The following RAF1 variants were observed in gnomAD, a reference collection of about 807,000 sequenced individuals.
The protein encoded by RAF1 is RAF proto-oncogene serine/threonine-protein kinase.
Under a neutral mutation model 81.1 loss-of-function variants are expected in RAF1, and 27 were observed. That is an observed-to-expected ratio of 0.33 (90% CI 0.25 to 0.46). The LOEUF (loss-of-function observed/expected upper bound fraction) is 0.46, where lower values mean the gene tolerates loss of function less well. Among genes scored for constraint, RAF1 ranks in the 20% least tolerant of loss-of-function variants. RAF1 has a pLI of 1.00. For synonymous variants in RAF1, 298 were observed against 294.0 expected, an observed-to-expected ratio of 1.01 and a Z score of -0.14; for missense variants, 598 against 826.0, an observed-to-expected ratio of 0.72 and a Z score of 3.38.
Position 12,655,005 on chromosome 3 carries a change from C to CCA in RAF1, c.-27+8807_-27+8808insTG, listed in dbSNP as rs148831868. On this transcript the variant is annotated intron_variant, in intron 1 of 17. Coordinates refer to ENST00000442415, the MANE Select transcript of RAF1 (RefSeq NM_001354689.3). ...AACCTGGTAAACATAGTGAGACCCC[C>CCA]CCCCCGCCATCTCTAAAATAGTAAA... is the stretch of plus-strand genomic sequence containing the variant. Among the ~76,000 whole-genome samples the CCA allele has an allele frequency of 2.9e-4, 43 of 147,666 alleles. 1 individual carries two copies. Among genetic ancestry groups the CCA allele is most frequent in the Non-Finnish European group, 9.0e-5 (6 of 66,842 alleles).
intron 1 of RAF1, among the ~76,000 whole-genome samples, chr3:12,645,623 T>C (rs887530762): frequency 1.3e-5 from 2 of 152,226 alleles, no homozygotes; most frequent in Non-Finnish European, 2.9e-5. Flanking sequence ...AATACAGTAA[T>C]GTAGTGGTTA....
chr3:12,594,907 AT>A (rs773209392), intron 11 of RAF1, among the ~76,000 whole-genome samples: 22 of 152,250 alleles, frequency 1.4e-4, no homozygotes, highest in Non-Finnish European at 2.4e-4. Flanking sequence ...ATTATTTGCA[AT>A]TTCTTATGAA....
At chr3:12,592,032 C>T (rs1362666231) in intron 11 of RAF1, 3 of 552,630 alleles carry the variant, frequency 5.4e-6, no homozygotes, top group East Asian at 6.4e-5. Flanking sequence ...CCCACCTTGG[C>T]CTCCCAAAGT....
chr3:12,652,747 A>G (rs943659152), intron 1 of RAF1, among the ~76,000 whole-genome samples: 15 of 152,080 alleles, frequency 9.9e-5, no homozygotes, highest in African/African-American at 3.4e-4. Flanking sequence ...CAGGAGGTTG[A>G]GACCAGCCTG....
chr3:12,618,021 C>T (rs564265338), intron 2 of RAF1, among the ~76,000 whole-genome samples: 1 of 152,182 alleles, frequency 6.6e-6, no homozygotes, highest in East Asian at 1.9e-4. Context: ...GGTGTCAGTG[C>T]CCTGAAAAAG....
At chr3:12,662,516 T>C (rs1434544595) in intron 1 of RAF1, among the ~76,000 whole-genome samples, 2 of 151,874 alleles carry the variant, frequency 1.3e-5, no homozygotes, top group Non-Finnish European at 2.9e-5. Flanking sequence ...CCATGTACAA[T>C]AATCCAAATT....
At chr3:12,600,719 G>A (rs931535128) in intron 8 of RAF1, among the ~76,000 whole-genome samples, 3 of 152,142 alleles carry the variant, frequency 2.0e-5, no homozygotes, top group East Asian at 1.9e-4. Flanking sequence ...GCACCAGCAC[G>A]CCCGGCTAAT....
At chr3:12,641,871 T>C (rs1357912865) in intron 1 of RAF1, among the ~76,000 whole-genome samples, 1 of 152,004 alleles carries the variant, frequency 6.6e-6, no homozygotes, top group Non-Finnish European at 1.5e-5. Flanking sequence ...AATAGTCCCA[T>C]AGGAACCCAG....
At chr3:12,590,323 T>C in intron 13 of RAF1, 2 of 28,506 alleles carry the variant, frequency 7.0e-5, no homozygotes, top group Non-Finnish European at 1.3e-4. Flanking sequence ...GAACCTGAAC[T>C]TCTCTTTTTT....
rs1413641688 is a variant in RAF1 at position 12,628,750 on chromosome 3, T to TG, written c.-26-10004_-26-10003insC. On this transcript the variant is annotated intron_variant, in intron 1 of 17. Coordinates refer to ENST00000442415, the MANE Select transcript of RAF1 (RefSeq NM_001354689.3). ...AAGTATGATGAACCTGAGACTATTT[T>TG]TGGGGGGGGGGGGTGGCGGGGCACA... is the stretch of plus-strand genomic sequence containing the variant. 1.7e-4 allele frequency among the ~76,000 whole-genome samples: 7 copies of TG among 41,436 alleles called. 1 individual carries two copies. The South Asian group carries it at 0.013, about 76-fold the overall frequency. 27.2% of individuals were successfully genotyped at this position (41,436 alleles called of 152,430 possible).
chr3:12,631,786 C>G (rs1438775024), intron 1 of RAF1, among the ~76,000 whole-genome samples: 3 of 152,144 alleles, frequency 2.0e-5, no homozygotes, highest in Non-Finnish European at 4.4e-5. Flanking sequence ...AGTATACAGA[C>G]AGCATAAGCA....
At chr3:12,631,375 G>T (rs1238363356) in intron 1 of RAF1, among the ~76,000 whole-genome samples, 1 of 152,158 alleles carries the variant, frequency 6.6e-6, no homozygotes, top group Non-Finnish European at 1.5e-5. Flanking sequence ...AAGGCAGGCG[G>T]ATCAAGAGGT....
chr3:12,658,378 A>T (rs866772824), intron 1 of RAF1, among the ~76,000 whole-genome samples: 1 of 152,160 alleles, frequency 6.6e-6, no homozygotes, highest in Non-Finnish European at 1.5e-5. Context: ...TGAGGCAGGC[A>T]GATCACCTGA....
chr3:12,640,199 T>A (rs924885772), intron 1 of RAF1, among the ~76,000 whole-genome samples: 7 of 152,060 alleles, frequency 4.6e-5, no homozygotes, highest in African/African-American at 1.7e-4. Flanking sequence ...CTTCCTTACA[T>A]CTTATACAAA....
chr3:12,646,426 G>C (rs1320481089), intron 1 of RAF1, among the ~76,000 whole-genome samples: 1 of 152,130 alleles, frequency 6.6e-6, no homozygotes, highest in Non-Finnish European at 1.5e-5. Flanking sequence ...CCACGCTGGA[G>C]TGCAGTGGCA....
intron 15 of RAF1, 67 bp from the exon 15 acceptor site, chr3:12,585,320 G>C (rs1236750911): frequency 6.2e-7 from 1 of 1,605,458 alleles, no homozygotes; most frequent in Non-Finnish European, 8.5e-7. Flanking sequence ...GACATCTAGG[G>C]GCCAGGCTGT....
rs966305067 is a variant in RAF1 at position 12,611,823 on chromosome 3, T to C, written c.320+127A>G. 31 of 755,810 alleles carry C rather than the reference T, an allele frequency of 4.1e-5. No homozygotes were observed. In the South Asian group the frequency reaches 4.3e-4, roughly 11 times the overall value. 46.8% of individuals were successfully genotyped at this position (755,810 alleles called of 1,614,324 possible). On this transcript the variant is annotated intron_variant, in intron 3 of 17. Transcript: ENST00000442415. ...TACCTATTTTTCTGAATTATCTCTT[T>C]ATAAAGAAAGGTATAGAAATATACA...
intron 1 of RAF1, among the ~76,000 whole-genome samples, chr3:12,619,260 C>T (rs1394180003): frequency 6.7e-6 from 1 of 149,276 alleles, no homozygotes; most frequent in Non-Finnish European, 1.5e-5. Context: ...CAAAACAAAA[C>T]AAAACAAAAC....
chr3:12,652,193 G>A (rs182314557), intron 1 of RAF1, among the ~76,000 whole-genome samples: 138 of 151,094 alleles, frequency 9.1e-4, no homozygotes, highest in African/African-American at 3.1e-3. Context: ...TCCAACCTGG[G>A]AGACAGAGCA....
Sources: allele counts gnomAD v4.1 joint callset (sites outside exome capture counted in the v4.1 genomes callset), GRCh38; gene constraint gnomAD v4.1.1; transcripts MANE v1.5; gene names NCBI Gene and HGNC (gene_info 2026-07-23, HGNC 2026-07-21).